The following MGAM2 variants were observed in gnomAD, a reference collection of about 807,000 sequenced individuals.
MGAM2 encodes the protein maltase-glucoamylase 2 (putative), also known as probable maltase-glucoamylase 2.
In MGAM2, 98 loss-of-function variants were observed where a neutral mutation model predicts 96.1. The ratio of observed to expected loss-of-function variants is 1.02; its 90% confidence interval spans 0.87 to 1.21. MGAM2 has a LOEUF of 1.21. MGAM2 is among the 50% of genes most tolerant of loss of function. The pLI is 0.00. For synonymous variants in MGAM2, 749 were observed against 414.8 expected, an observed-to-expected ratio of 1.81 and a Z score of -9.79; for missense variants, 2,055 against 1,182.4, an observed-to-expected ratio of 1.74 and a Z score of -10.82.
At chr7:142,117,509 T>A (rs1307038960) in intron 2 of MGAM2, among the ~76,000 whole-genome samples, 1 of 152,190 alleles carries the variant, frequency 6.6e-6, no homozygotes, top group Non-Finnish European at 1.5e-5. Flanking sequence ...ATATTATAAT[T>A]TAAATAATAA....
Position 142,166,099 on chromosome 7 carries a change from T to A in MGAM2, c.2654T>A (p.Val885Glu), listed in dbSNP as rs548628392. The A allele has an allele frequency of 8.7e-6, 6 of 692,690 alleles. No homozygotes were observed. The South Asian group carries it at 9.2e-5, about 11-fold the overall frequency. 42.9% of individuals were successfully genotyped at this position (692,690 alleles called of 1,614,324 possible). ...CACTGTGACTGTCTCTTTCCCCAGG[T>A]GGTAACCATCACTGATCTCCAAGGA... ...PSVVYNASTKVVTITDLQGLV... is the reference protein window; with the variant it reads ...PSVVYNASTKEVTITDLQGLV... The change falls in exon 25 of 48, where the codon GTG (valine) becomes GAG (glutamate). Residue 885 changes from valine to glutamate, a missense_variant and splice_region_variant. Transcript: ENST00000477922.
chr7:142,184,360 A>G (rs1383539098), intron 33 of MGAM2, among the ~76,000 whole-genome samples: 3 of 152,200 alleles, frequency 2.0e-5, no homozygotes, highest in Non-Finnish European at 2.9e-5. Context: ...CGTTTGAAGC[A>G]GTTAGTAACT....
Position 142,198,660 on chromosome 7 carries a change from C to T in MGAM2, c.4969C>T (p.Pro1657Ser), listed in dbSNP as rs1373020548. The T allele has an allele frequency of 1.4e-6, 1 of 703,572 alleles. No homozygotes were observed. Among genetic ancestry groups the T allele is most frequent in the Admixed American group, 2.0e-5 (1 of 50,014 alleles). 43.6% of individuals were successfully genotyped at this position (703,572 alleles called of 1,614,324 possible). ...STGQRKILKA[P>S]LDHINLHVRG... The stretch of plus-strand genomic sequence containing the variant: ...AGGTCAGAGGAAAATCCTGAAGGCT[C>T]CCCTTGACCACATCAACCTTCATGT... Residue 1657 changes from proline (P) to serine (S), a missense_variant, in exon 44 of 48, where the codon CCC becomes TCC. Coordinates refer to ENST00000477922, the MANE Select transcript of MGAM2 (RefSeq NM_001293626.2).
chr7:142,195,912 G>A (rs961292503), intron 37 of MGAM2, among the ~76,000 whole-genome samples: 2 of 152,096 alleles, frequency 1.3e-5, no homozygotes, highest in African/African-American at 2.4e-5. Flanking sequence ...TTACTCCAGG[G>A]TGATAGTTAA....
intron 31 of MGAM2, 65 bp from the exon 32 acceptor site, chr7:142,175,587 C>A (rs886989341): frequency 1.5e-6 from 1 of 679,062 alleles, no homozygotes; most frequent in Non-Finnish European, 2.7e-6. Context: ...CCTGGCAGAG[C>A]AGTTAATGTG....
chr7:142,185,409 G>T (rs1294776236), intron 34 of MGAM2, among the ~76,000 whole-genome samples: 1 of 152,188 alleles, frequency 6.6e-6, no homozygotes, highest in Admixed American at 6.5e-5. Context: ...TATGACGCTT[G>T]AAAAATAATG....
At position 142,144,665 on chromosome 7, in the gene MGAM2, A is replaced by G. The variant is rs751941627; in HGVS notation, c.1432-196A>G. Among the ~76,000 whole-genome samples, 3 of 152,218 alleles carry G rather than the reference A, an allele frequency of 2.0e-5. No individual in the cohort carries two copies. In the South Asian group the frequency reaches 6.2e-4, roughly 31 times the overall value. On this transcript the variant is annotated intron_variant, in intron 13 of 47. Transcript: ENST00000477922. ...TTTAGAAGTGGAACATACCTTAAAA[A>G]TATATAACCTAATCCAATGACTCAA...
chr7:142,172,489 G>T (rs904520154), intron 29 of MGAM2, among the ~76,000 whole-genome samples, 163 bp from the exon 30 acceptor site: 1 of 152,120 alleles, frequency 6.6e-6, no homozygotes, highest in Non-Finnish European at 1.5e-5. Flanking sequence ...TACATTTGGG[G>T]TACCTGCAAA....
intron 21 of MGAM2, 51 bp from the exon 22 acceptor site, chr7:142,161,074 A>G (rs778367935): frequency 1.4e-6 from 1 of 698,134 alleles, no homozygotes; most frequent in Non-Finnish European, 2.6e-6. Context: ...CTGGTTTCAC[A>G]TAGTTCCATC....
Position 142,171,605 on chromosome 7 carries a change from C to CATATAT in MGAM2, c.3351+210_3351+215dup, listed in dbSNP as rs34204853. Among the ~76,000 whole-genome samples the CATATAT allele has an allele frequency of 1.3e-3, 86 of 64,956 alleles. 1 individual carries two copies. Among genetic ancestry groups the CATATAT allele is most frequent in the Non-Finnish European group, 1.9e-3 (55 of 28,460 alleles). 42.6% of individuals were successfully genotyped at this position (64,956 alleles called of 152,430 possible). ...GTCACATTCTTTTGTCCCTAAAAGG[C>CATATAT]ATATATATATATATATATATATATA... On this transcript the variant is annotated intron_variant, in intron 28 of 47. Transcript: ENST00000477922.
intron 14 of MGAM2, among the ~76,000 whole-genome samples, chr7:142,147,213 C>T (rs1795413559): frequency 6.6e-6 from 1 of 152,192 alleles, no homozygotes; most frequent in Non-Finnish European, 1.5e-5. Context: ...TGCCTCCCCT[C>T]ACCAGGATTC....
chr7:142,187,940 T>A, intron 36 of MGAM2, 106 bp downstream of exon 36: 1 of 617,576 alleles, frequency 1.6e-6, no homozygotes, highest in Non-Finnish European at 2.9e-6. Flanking sequence ...GAAACCATTC[T>A]CCAACATGAC....
intron 35 of MGAM2, among the ~76,000 whole-genome samples, chr7:142,186,672 C>G (rs1399056798): frequency 2.0e-5 from 3 of 152,196 alleles, no homozygotes; most frequent in South Asian, 2.1e-4. Flanking sequence ...TTTCCTCTGT[C>G]CTGATTTCCT....
intron 4 of MGAM2, 95 bp downstream of exon 4, chr7:142,131,166 G>C: frequency 1.5e-6 from 1 of 655,306 alleles, no homozygotes; most frequent in Non-Finnish European, 2.8e-6. Context: ...TCAGGCAGGC[G>C]TGGTGGCTCA....
At chr7:142,153,036 C>G (rs916637379) in intron 15 of MGAM2, among the ~76,000 whole-genome samples, 1 of 150,632 alleles carries the variant, frequency 6.6e-6, no homozygotes, top group African/African-American at 2.4e-5. Flanking sequence ...TGCTCTGTCG[C>G]CCAGGCTGGA....
At chr7:142,118,921 T>C (rs1794464996) in intron 2 of MGAM2, among the ~76,000 whole-genome samples, 1 of 152,150 alleles carries the variant, frequency 6.6e-6, no homozygotes, top group Non-Finnish European at 1.5e-5. Context: ...GTCTGTGACC[T>C]TGGATTAGAT....
intron 6 of MGAM2, among the ~76,000 whole-genome samples, chr7:142,132,678 T>A (rs1375571828): frequency 7.9e-6 from 1 of 126,570 alleles, no homozygotes; most frequent in Non-Finnish European, 1.5e-5. Context: ...ATATATTAAT[T>A]ATAATATAAT....
intron 44 of MGAM2, 138 bp from the exon 45 acceptor site, chr7:142,199,742 A>G (rs1797160806): frequency 4.6e-6 from 2 of 434,728 alleles, no homozygotes. Flanking sequence ...TATCTATTGT[A>G]CCTATTTTTA....
intron 6 of MGAM2, among the ~76,000 whole-genome samples, chr7:142,133,275 ATATT>A (rs1428097038): frequency 1.4e-5 from 2 of 145,242 alleles, no homozygotes; most frequent in Non-Finnish European, 3.0e-5. Flanking sequence ...TTAATAATAT[ATATT>A]TATATATTTA....
Sources: allele counts gnomAD v4.1 joint callset (sites outside exome capture counted in the v4.1 genomes callset), GRCh38; gene constraint gnomAD v4.1.1; transcripts MANE v1.5; gene names NCBI Gene and HGNC (gene_info 2026-07-23, HGNC 2026-07-21).